The following FAM107B variants were observed in gnomAD, a reference collection of about 807,000 sequenced individuals.
FAM107B encodes the protein protein FAM107B.
FAM107B carries 21 observed loss-of-function variants against 31.5 expected under a neutral mutation model. The observed-to-expected ratio is 0.67, with a 90% CI of 0.47 to 0.96. The LOEUF (loss-of-function observed/expected upper bound fraction) is 0.96, where lower values mean the gene tolerates loss of function less well. FAM107B is among the 40% of genes least tolerant of loss of function. The pLI is 0.00. For synonymous variants in FAM107B, 157 were observed against 141.5 expected (o/e 1.11, Z -0.78); for missense variants, 452 against 377.1 (o/e 1.20, Z -1.64).
At chr10:14,599,450 C>A (rs1195832418) in intron 2 of FAM107B, among the ~76,000 whole-genome samples, 1 of 152,152 alleles carries the variant, frequency 6.6e-6, no homozygotes, top group Non-Finnish European at 1.5e-5. Context: ...TTACACACGC[C>A]CCCAACACCA....
At chr10:14,660,124 A>G (rs1299941254) in intron 2 of FAM107B, among the ~76,000 whole-genome samples, 1 of 152,118 alleles carries the variant, frequency 6.6e-6, no homozygotes, top group African/African-American at 2.4e-5. Context: ...ACCATAACCA[A>G]CAGCCTCCAA....
chr10:14,767,056 A>ATATATATATATATATATG (rs1833189978), intron 1 of FAM107B, among the ~76,000 whole-genome samples: 5 of 21,260 alleles, frequency 2.4e-4, no homozygotes, highest in African/African-American at 4.3e-4. Flanking sequence ...ATATATATAT[A>ATATATATATATATATATG]GAGAGAGAGA....
At chr10:14,689,998 A>AAAGGAAGGAAGG (rs150130671) in intron 1 of FAM107B, among the ~76,000 whole-genome samples, 67 of 127,464 alleles carry the variant, frequency 5.3e-4, no homozygotes, top group African/African-American at 1.8e-3. Context: ...AAGAAAGACA[A>AAAGGAAGGAAGG]AAGGAAGGAA....
At chr10:14,590,033 C>T (rs754851151) in intron 2 of FAM107B, among the ~76,000 whole-genome samples, 12 of 152,128 alleles carry the variant, frequency 7.9e-5, no homozygotes, top group Non-Finnish European at 1.8e-4. Flanking sequence ...AAACACTTAA[C>T]GTACTAATGG....
Position 14,774,326 on chromosome 10 carries a change from TC to T in FAM107B, c.337del (p.Asp113MetfsTer42). The T allele has an allele frequency of 1.2e-6, 2 of 1,614,190 alleles. No homozygotes were observed. Among genetic ancestry groups the T allele is most frequent in the Non-Finnish European group, 1.7e-6 (2 of 1,180,040 alleles). ...ETPEDVPGSLDDGADCEAVVF... is the reference protein window; with the variant it reads ...ETPEDVPGSLXDGADCEAVVF... ...CACTGCTTCACAGTCCGCCCCATCATCCAGGGACCCGGGCACATCTTCAGGC... is the reference window on the plus strand; with the variant it reads ...CACTGCTTCACAGTCCGCCCCATCATCAGGGACCCGGGCACATCTTCAGGC... On this transcript the variant is annotated frameshift_variant, in exon 1 of 5. Transcript: ENST00000181796. LOFTEE classifies it high-confidence loss of function.
intron 2 of FAM107B, among the ~76,000 whole-genome samples, chr10:14,597,393 T>C (rs978839864): frequency 2.0e-5 from 3 of 152,212 alleles, no homozygotes; most frequent in Admixed American, 6.5e-5. Context: ...ATATTAATAA[T>C]GGCACAGAAA....
At chr10:14,558,407 A>T (rs1258977771) in intron 2 of FAM107B, among the ~76,000 whole-genome samples, 2 of 152,246 alleles carry the variant, frequency 1.3e-5, no homozygotes, top group Non-Finnish European at 2.9e-5. Context: ...GAGGTGTAAA[A>T]TAATTCCTTG....
chr10:14,613,588 T>C (rs1852778886), intron 2 of FAM107B, among the ~76,000 whole-genome samples: 1 of 152,166 alleles, frequency 6.6e-6, no homozygotes, highest in Non-Finnish European at 1.5e-5. Flanking sequence ...ACCAAGACAT[T>C]GCTTTCTCTG....
chr10:14,582,499 C>T (rs1215881457), intron 2 of FAM107B, among the ~76,000 whole-genome samples: 1 of 151,602 alleles, frequency 6.6e-6, no homozygotes, highest in Non-Finnish European at 1.5e-5. Context: ...GCCTCAGCCT[C>T]CCGAGTAGCT....
chr10:14,696,869 T>A (rs1254023151), intron 1 of FAM107B, among the ~76,000 whole-genome samples: 3 of 152,142 alleles, frequency 2.0e-5, no homozygotes, highest in Non-Finnish European at 4.4e-5. Context: ...AGGGACACTG[T>A]GGTTCAATTT....
intron 2 of FAM107B, among the ~76,000 whole-genome samples, chr10:14,622,975 A>G (rs1853055821): frequency 6.6e-6 from 1 of 152,218 alleles, no homozygotes; most frequent in East Asian, 1.9e-4. Context: ...GAATGTGGAG[A>G]GAATTGCAAA....
intron 2 of FAM107B, among the ~76,000 whole-genome samples, chr10:14,633,422 TAATC>T (rs1160677655): frequency 2.6e-5 from 4 of 152,202 alleles, no homozygotes; most frequent in Admixed American, 1.3e-4. Context: ...TGGGAAAACT[TAATC>T]AACCTAATAC....
At chr10:14,716,702 C>G (rs555789892) in intron 1 of FAM107B, among the ~76,000 whole-genome samples, 2 of 152,290 alleles carry the variant, frequency 1.3e-5, no homozygotes, top group African/African-American at 4.8e-5. Flanking sequence ...ATCTTGGCTC[C>G]TCCTCAAGCA....
chr10:14,626,577 C>T (rs934849329), intron 2 of FAM107B, among the ~76,000 whole-genome samples: 2 of 148,558 alleles, frequency 1.3e-5, no homozygotes, highest in Admixed American at 6.8e-5. Flanking sequence ...GAGCTCGACT[C>T]ACTGCAAGCT....
At chr10:14,637,278 T>A (rs1488345326) in intron 2 of FAM107B, among the ~76,000 whole-genome samples, 1 of 152,154 alleles carries the variant, frequency 6.6e-6, no homozygotes, top group Non-Finnish European at 1.5e-5. Flanking sequence ...CCTCCTGGTG[T>A]TCATACCCTA....
chr10:14,523,007 C>T (rs73599369), intron 3 of FAM107B, among the ~76,000 whole-genome samples: 1,624 of 152,268 alleles, frequency 0.011, 31 homozygotes, highest in African/African-American at 0.037. Context: ...ATAAATTAGG[C>T]TACCATCTCT....
At chr10:14,693,947 CA>C (rs1403786299) in intron 1 of FAM107B, among the ~76,000 whole-genome samples, 1 of 152,092 alleles carries the variant, frequency 6.6e-6, no homozygotes, top group African/African-American at 2.4e-5. Flanking sequence ...TTTTAGATTC[CA>C]CATGAAAATT....
intron 1 of FAM107B, among the ~76,000 whole-genome samples, chr10:14,769,168 C>T (rs184128618): frequency 2.0e-5 from 3 of 152,116 alleles, no homozygotes; most frequent in South Asian, 2.1e-4. Flanking sequence ...CAGAGAAAGC[C>T]GACTGACAAA....
intron 2 of FAM107B, among the ~76,000 whole-genome samples, chr10:14,584,303 G>A (rs1351417087): frequency 3.3e-5 from 5 of 152,176 alleles, no homozygotes; most frequent in Admixed American, 2.6e-4. Flanking sequence ...CCTCAGAGTT[G>A]CCAACCAGAT....
Sources: allele counts gnomAD v4.1 joint callset (sites outside exome capture counted in the v4.1 genomes callset), GRCh38; gene constraint gnomAD v4.1.1; transcripts MANE v1.5; gene names NCBI Gene and HGNC (gene_info 2026-07-23, HGNC 2026-07-21).